Variants in DNA2 observed in about 807,000 individuals in gnomAD.
DNA2 encodes DNA replication ATP-dependent helicase/nuclease DNA2.
In DNA2, 101 loss-of-function variants were observed where a neutral mutation model predicts 119.1. The ratio of observed to expected loss-of-function variants is 0.85; its 90% CI spans 0.72 to 1.00. DNA2 has a LOEUF of 1.00. DNA2 is among the 50% of genes least tolerant of loss of function. The pLI, the probability that DNA2 is intolerant of heterozygous loss-of-function variation, is 0.00. For missense variants in DNA2, 1,121 were observed against 1,255.5 expected, an observed-to-expected ratio of 0.89 and a Z score of 1.62; for synonymous variants, 366 against 424.4, an observed-to-expected ratio of 0.86 and a Z score of 1.69.
At chr10:68,416,970 G>A (rs753487683) in intron 19 of DNA2, 115 bp from the exon 20 acceptor site, 1 of 883,700 alleles carries the variant, frequency 1.1e-6, no homozygotes, top group South Asian at 1.9e-5. Flanking sequence ...GAGGCCAGGT[G>A]TAGTGGCTCA....
At chr10:68,439,692 C>T in intron 9 of DNA2, among the ~76,000 whole-genome samples, 1 of 151,840 alleles carries the variant, frequency 6.6e-6, no homozygotes. Context: ...ACAAAATTAG[C>T]CTGGCGTGGT....
intron 6 of DNA2, 136 bp downstream of exon 6, chr10:68,449,892 T>A: frequency 1.6e-6 from 1 of 630,754 alleles, no homozygotes. Context: ...CAGCCTGGCA[T>A]GAACCCAGGA....
intron 19 of DNA2, among the ~76,000 whole-genome samples, chr10:68,417,391 CAAAAAAAAAAA>C (rs35777569): frequency 3.9e-5 from 3 of 77,504 alleles, no homozygotes; most frequent in East Asian, 7.7e-4. Context: ...ATAAGAAAAC[CAAAAAAAAAAA>C]AAAAAAAAAA....
chr10:68,457,050 C>G (rs989234247), intron 5 of DNA2, among the ~76,000 whole-genome samples: 1 of 151,270 alleles, frequency 6.6e-6, no homozygotes, highest in African/African-American at 2.4e-5. Flanking sequence ...AGGAGAATGG[C>G]GTGAACCCGG....
At chr10:68,425,300 T>C (rs2051724439) in intron 14 of DNA2, among the ~76,000 whole-genome samples, 1 of 151,750 alleles carries the variant, frequency 6.6e-6, no homozygotes, top group African/African-American at 2.4e-5. Flanking sequence ...TTCACTATGT[T>C]GGCCAGGCTG....
intron 8 of DNA2, 23 bp from the exon 9 acceptor site, chr10:68,443,134 G>C (rs750486267): frequency 1.8e-5 from 28 of 1,536,728 alleles, no homozygotes; most frequent in South Asian, 2.5e-5. Context: ...TTCCAAGTTA[G>C]AGATGCTTAT....
At chr10:68,469,321 G>A (rs1415472536) in intron 2 of DNA2, among the ~76,000 whole-genome samples, 3 of 150,944 alleles carry the variant, frequency 2.0e-5, no homozygotes, top group African/African-American at 4.9e-5. Context: ...CGAGGTGGGC[G>A]GATCACGAGG....
At chr10:68,448,045 G>A (rs2052066010) in intron 6 of DNA2, among the ~76,000 whole-genome samples, 1 of 151,700 alleles carries the variant, frequency 6.6e-6, no homozygotes. Context: ...GTTTTACTTA[G>A]ATAACCAAGA....
Position 68,459,201 on chromosome 10 carries a change from G to C in DNA2, c.622C>G (p.Gln208Glu). ...RLNLSQDEIK[Q>E]EVEDYLPSFC... ...GAAGGAAGATAGTCCTCTACTTCTT[G>C]TTTTATTTCATCTTGACTTAGATTT... Residue 208 changes from glutamine to glutamate, a missense_variant, in exon 5 of 21, where the codon CAA (glutamine) becomes GAA (glutamate). Transcript: ENST00000358410. 1.3e-6 allele frequency: 2 copies of C among 1,566,134 alleles called. No individual in the cohort carries two copies. Among genetic ancestry groups the C allele is most frequent in the Non-Finnish European group, 1.7e-6 (2 of 1,154,608 alleles).
intron 9 of DNA2, among the ~76,000 whole-genome samples, chr10:68,441,333 C>CT (rs1308224598): frequency 6.4e-5 from 7 of 109,310 alleles, no homozygotes; most frequent in Admixed American, 3.1e-4. Context: ...GACCCTGTCT[C>CT]TTAAAAAAAA....
chr10:68,438,278 C>T (rs1439712562), intron 9 of DNA2, among the ~76,000 whole-genome samples: 2 of 152,006 alleles, frequency 1.3e-5, no homozygotes, highest in Non-Finnish European at 2.9e-5. Context: ...CTAGCATTTT[C>T]GGAGGCCGAG....
At chr10:68,456,334 C>A (rs755769567) in intron 5 of DNA2, among the ~76,000 whole-genome samples, 2 of 152,156 alleles carry the variant, frequency 1.3e-5, no homozygotes, top group Non-Finnish European at 2.9e-5. Flanking sequence ...GGATTCACAT[C>A]CAGGCTCATT....
At chr10:68,465,240 G>C (rs897797246) in intron 4 of DNA2, among the ~76,000 whole-genome samples, 1 of 11,518 alleles carries the variant, frequency 8.7e-5, no homozygotes, top group Non-Finnish European at 1.7e-4. Context: ...GGATGGTCTC[G>C]ATTTCCTGAC....
At position 68,459,216 on chromosome 10, in the gene DNA2, G is replaced by T; in HGVS notation, c.607C>A (p.Gln203Lys). The change falls in exon 5 of 21, where the codon CAA (glutamine) becomes AAA (lysine). Residue 203 changes from glutamine to lysine, a missense_variant. By Grantham distance (53) the Gln-to-Lys change is moderately conservative. Transcript: ENST00000358410. ...TCTACTTCTTGTTTTATTTCATCTTGACTTAGATTTAAGCGGTACCTGCCA... is the reference window on the plus strand; with the variant it reads ...TCTACTTCTTGTTTTATTTCATCTTTACTTAGATTTAAGCGGTACCTGCCA... ...LKEMYRLNLSQDEIKQEVEDY... is the reference protein window; with the variant it reads ...LKEMYRLNLSKDEIKQEVEDY... 6.4e-7 allele frequency: 1 copy of T among 1,559,082 alleles called. No homozygotes were observed. The highest frequency in any genetic ancestry group is 1.2e-5 in the South Asian group (1 of 83,806).
At chr10:68,470,405 T>C in intron 1 of DNA2, 1 of 436,176 alleles carries the variant, frequency 2.3e-6, no homozygotes. Context: ...GATTTTCCAT[T>C]TTAATTTCTG....
intron 19 of DNA2, among the ~76,000 whole-genome samples, chr10:68,417,989 G>A (rs1378033205): frequency 6.6e-6 from 1 of 152,190 alleles, no homozygotes; most frequent in East Asian, 1.9e-4. Context: ...GGTGGTTACA[G>A]GTGCTGGGGA....
At chr10:68,465,902 A>C in intron 3 of DNA2, 90 bp from the exon 4 acceptor site, 1 of 1,160,642 alleles carries the variant, frequency 8.6e-7, no homozygotes, top group Non-Finnish European at 1.1e-6. Context: ...CACCATAGCC[A>C]AAATGCACTG....
Position 68,425,419 on chromosome 10 carries a change from G to C in DNA2, c.2209-2529C>G, listed in dbSNP as rs192372326. Among the ~76,000 whole-genome samples, 747 of 113,434 alleles carry C rather than the reference G, an allele frequency of 6.6e-3. 5 individuals carry two copies. Among genetic ancestry groups the C allele is most frequent in the Non-Finnish European group, 0.011 (592 of 55,130 alleles). 74.4% of individuals were successfully genotyped at this position (113,434 alleles called of 152,430 possible). On this transcript the variant is annotated intron_variant, in intron 14 of 20. Coordinates refer to ENST00000358410, the MANE Select transcript of DNA2 (RefSeq NM_001080449.3). ...ATGTTTGTGTTCTTTTTTTTTTTTT[G>C]AGATGGAGTCTCGCTCTGTCTCCCA...
chr10:68,467,019 A>T (rs1035297846), intron 3 of DNA2, among the ~76,000 whole-genome samples: 6 of 152,312 alleles, frequency 3.9e-5, no homozygotes, highest in African/African-American at 1.4e-4. Flanking sequence ...ACACAGTGAG[A>T]CTCAAAATAA....
Sources: gnomAD v4.1 joint callset for allele counts (sites outside exome capture counted in the v4.1 genomes callset) on GRCh38, gnomAD v4.1.1 for gene constraint, MANE v1.5 for transcripts, NCBI Gene and HGNC (gene_info 2026-07-23, HGNC 2026-07-21) for gene names.